Variants in PTPN4 observed in about 807,000 individuals in gnomAD.
PTPN4 encodes protein tyrosine phosphatase non-receptor type 4, also known as tyrosine-protein phosphatase non-receptor type 4.
PTPN4 carries 49 observed loss-of-function variants against 135.5 expected under a neutral mutation model. The observed-to-expected ratio is 0.36, with a 90% CI of 0.29 to 0.46. The LOEUF (loss-of-function observed/expected upper bound fraction) is 0.46, where lower values mean the gene tolerates loss of function less well. Ranked by LOEUF, PTPN4 falls within the 20% of genes least tolerant of loss-of-function variation. PTPN4 has a pLI of 1.00. For synonymous variants in PTPN4, 333 were observed against 369.9 expected (o/e 0.90, Z 1.14); for missense variants, 860 against 1,101.0 (o/e 0.78, Z 3.10).
chr2:119,837,006 TG>T (rs753690734), intron 2 of PTPN4, among the ~76,000 whole-genome samples: 2 of 152,186 alleles, frequency 1.3e-5, no homozygotes, highest in Non-Finnish European at 2.9e-5. Flanking sequence ...GACAGGCTTC[TG>T]GGCGTAAAGG....
At position 119,977,696 on chromosome 2, in the gene PTPN4, A is replaced by G. The variant is rs1490770503; in HGVS notation, c.*626A>G. Reference sequence around the variant, plus strand: ...CCAGCATCTTATAGAAAATATAAATATGAATCTACAAATTCTCTTGGATTT... The same window carrying G: ...CCAGCATCTTATAGAAAATATAAATGTGAATCTACAAATTCTCTTGGATTT... On this transcript the variant is annotated 3_prime_UTR_variant, in exon 27 of 27. Coordinates refer to ENST00000263708, the MANE Select transcript of PTPN4 (RefSeq NM_002830.4). The G allele has an allele frequency of 2.0e-5, 3 of 152,192 alleles. No individual in the cohort carries two copies. The highest frequency in any genetic ancestry group is 7.2e-5 in the African/African-American group (3 of 41,442). The allele number at this position is 152,192 out of a possible 1,614,324, so 9.4% of individuals were successfully genotyped here.
At position 119,795,570 on chromosome 2, in the gene PTPN4, C is replaced by G. The variant is rs115461363; in HGVS notation, c.-17-14267C>G. Among the ~76,000 whole-genome samples the G allele has an allele frequency of 3.2e-3, 493 of 152,358 alleles. 2 individuals are homozygous for G. Among genetic ancestry groups the G allele is most frequent in the African/African-American group, 0.011 (466 of 41,584 alleles). ...ACCCGGGCTTGGCCTCAACTTGGCT[C>G]CACAGTCGGAGCTGGCGTTGACAAC... is the stretch of plus-strand genomic sequence containing the variant. On this transcript the variant is annotated intron_variant, in intron 1 of 26. Transcript: ENST00000263708.
At position 119,760,000 on chromosome 2, in the gene PTPN4, C is replaced by G. The variant is rs1338810677; in HGVS notation, c.-402C>G. 4.2e-5 allele frequency: 16 copies of G among 381,000 alleles called. No homozygotes were observed. In the Admixed American group the frequency reaches 7.2e-4, roughly 17 times the overall value. The allele number at this position is 381,000 out of a possible 1,614,324, so 23.6% of individuals were successfully genotyped here. On this transcript the variant is annotated 5_prime_UTR_variant, in exon 1 of 27. Coordinates refer to ENST00000263708, the MANE Select transcript of PTPN4 (RefSeq NM_002830.4). ...CACCACCAACATTGTTCTCTCAGGA[C>G]TCCTGGGTCCCAGGGGCCGGAATTG... is the stretch of plus-strand genomic sequence containing the variant.
intron 26 of PTPN4, among the ~76,000 whole-genome samples, chr2:119,969,205 A>T (rs1002290302): frequency 6.6e-6 from 1 of 151,816 alleles, no homozygotes; most frequent in Non-Finnish European, 1.5e-5. Context: ...TAGAGAGGGG[A>T]TCTCACTATG....
intron 10 of PTPN4, among the ~76,000 whole-genome samples, chr2:119,914,442 C>G (rs1678622091): frequency 2.0e-5 from 3 of 151,910 alleles, no homozygotes; most frequent in Admixed American, 2.0e-4. Flanking sequence ...CATGCATTTG[C>G]CTCTTCAAGT....
At chr2:119,853,514 TAAC>T (rs1312030214) in intron 2 of PTPN4, among the ~76,000 whole-genome samples, 17 of 152,082 alleles carry the variant, frequency 1.1e-4, no homozygotes, top group Admixed American at 2.6e-4. Flanking sequence ...GCTATATCAT[TAAC>T]AACATTTTAC....
chr2:119,879,054 C>T (rs1306669137), intron 5 of PTPN4, among the ~76,000 whole-genome samples: 3 of 148,638 alleles, frequency 2.0e-5, no homozygotes, highest in Admixed American at 6.7e-5. Context: ...GATCACGCCA[C>T]TGCACTCCAG....
chr2:119,854,879 T>C (rs1375016995), intron 2 of PTPN4, among the ~76,000 whole-genome samples: 1 of 152,188 alleles, frequency 6.6e-6, no homozygotes, highest in African/African-American at 2.4e-5. Flanking sequence ...TCTACTTGAC[T>C]AGAGGTGTTA....
intron 1 of PTPN4, among the ~76,000 whole-genome samples, chr2:119,798,877 G>A (rs1156982198): frequency 6.6e-6 from 1 of 152,182 alleles, no homozygotes; most frequent in East Asian, 1.9e-4. Flanking sequence ...CGTAACTAGT[G>A]GAGTATGAGG....
rs1219926728 is a variant in PTPN4 at position 119,873,182 on chromosome 2, G to T, written c.247-4141G>T. 2.3e-3 allele frequency among the ~76,000 whole-genome samples: 349 copies of T among 148,726 alleles called. 2 individuals are homozygous for T. The highest frequency in any genetic ancestry group is 8.8e-3 in the South Asian group (41 of 4,680). On this transcript the variant is annotated intron_variant, in intron 3 of 26. Transcript: ENST00000263708. ...AATTTTTTCTGGGTTTTTTTTTTTT[G>T]TTGTTGTTGTTGTTTTTTTTGTAGA...
At chr2:119,959,041 G>A (rs934445206) in intron 22 of PTPN4, among the ~76,000 whole-genome samples, 1 of 152,126 alleles carries the variant, frequency 6.6e-6, no homozygotes, top group Non-Finnish European at 1.5e-5. Flanking sequence ...AAATGAGTTG[G>A]TTTGTTTGAT....
intron 1 of PTPN4, among the ~76,000 whole-genome samples, chr2:119,795,023 A>C (rs370312179): frequency 1.3e-5 from 2 of 152,028 alleles, no homozygotes; most frequent in South Asian, 2.1e-4. Flanking sequence ...CTCTCAGCGG[A>C]GAGGGTAGTT....
At chr2:119,879,984 T>C (rs1553458991) in intron 5 of PTPN4, 1 of 133,354 alleles carries the variant, frequency 7.5e-6, no homozygotes, top group African/African-American at 2.8e-5. Context: ...ATTAGTTTAG[T>C]TTAATTAGTG....
intron 2 of PTPN4, among the ~76,000 whole-genome samples, chr2:119,851,851 A>G (rs1017465026): frequency 2.6e-5 from 4 of 152,210 alleles, no homozygotes; most frequent in African/African-American, 9.6e-5. Context: ...TTGTGGAACC[A>G]TCACCTGATC....
Position 119,977,689 on chromosome 2 carries a change from T to C in PTPN4, c.*619T>C, listed in dbSNP as rs1481030856. The C allele has an allele frequency of 2.0e-5, 3 of 152,150 alleles. No individual in the cohort carries two copies. The highest frequency in any genetic ancestry group is 6.5e-5 in the Admixed American group (1 of 15,272). 9.4% of individuals were successfully genotyped at this position (152,150 alleles called of 1,614,324 possible). A position where few individuals can be genotyped will look rare whatever the true frequency, so the allele number is the denominator to read the frequency against. ...CCATTTACCAGCATCTTATAGAAAA[T>C]ATAAATATGAATCTACAAATTCTCT... is the stretch of plus-strand genomic sequence containing the variant. On this transcript the variant is annotated 3_prime_UTR_variant, in exon 27 of 27. Transcript: ENST00000263708.
chr2:119,775,807 CT>C lies in PTPN4; in HGVS notation c.-18+15424del, dbSNP rs1690824542. The stretch of plus-strand genomic sequence containing the variant: ...AACTCATAAAAGAGATTGTGGATAT[CT>C]ATATCTATATCTATATCTATATCTA... On this transcript the variant is annotated intron_variant, in intron 1 of 26. Coordinates refer to ENST00000263708, the MANE Select transcript of PTPN4 (RefSeq NM_002830.4). 8.9e-4 allele frequency among the ~76,000 whole-genome samples: 7 copies of C among 7,872 alleles called. 1 individual carries two copies. The Admixed American group carries it at 9.9e-3, about 11-fold the overall frequency. 5.2% of individuals were successfully genotyped at this position (7,872 alleles called of 152,430 possible).
intron 1 of PTPN4, among the ~76,000 whole-genome samples, chr2:119,808,781 C>G (rs1691528450): frequency 1.3e-5 from 2 of 152,112 alleles, no homozygotes; most frequent in Non-Finnish European, 2.9e-5. Flanking sequence ...CATAGTAAGA[C>G]TTTTTTCCCC....
chr2:119,856,361 C>G lies in PTPN4; in HGVS notation c.139-6175C>G, dbSNP rs552888682. Among the ~76,000 whole-genome samples, 275 of 151,956 alleles carry G rather than the reference C, an allele frequency of 1.8e-3. 1 individual carries two copies. The highest frequency in any genetic ancestry group is 6.8e-3 in the Middle Eastern group (2 of 294). On this transcript the variant is annotated intron_variant, in intron 2 of 26. Coordinates refer to ENST00000263708, the MANE Select transcript of PTPN4 (RefSeq NM_002830.4). The stretch of plus-strand genomic sequence containing the variant: ...AAGCAGAGGGAGCCATTTGCTATTA[C>G]CCGATCAACTTTTACCAGCCTGAGG...
At chr2:119,954,751 A>G (rs755020835) in intron 19 of PTPN4, among the ~76,000 whole-genome samples, 8 of 152,170 alleles carry the variant, frequency 5.3e-5, no homozygotes, top group Non-Finnish European at 1.2e-4. Context: ...AGGATGAAGC[A>G]TATTTTGTTT....
Sources: allele counts gnomAD v4.1 joint callset (sites outside exome capture counted in the v4.1 genomes callset), GRCh38; gene constraint gnomAD v4.1.1; transcripts MANE v1.5; gene names NCBI Gene and HGNC (gene_info 2026-07-23, HGNC 2026-07-21).